UIMC1: variants seen among roughly 807,000 people sequenced by gnomAD.
UIMC1 encodes the protein ubiquitin interaction motif containing 1.
A neutral mutation model predicts 84.9 loss-of-function variants in UIMC1; 42 were observed. The ratio of observed to expected loss-of-function variants is 0.49; its 90% CI spans 0.39 to 0.64. UIMC1 has a LOEUF of 0.64. Ranked by LOEUF, UIMC1 falls within the 30% of genes least tolerant of loss-of-function variation. The probability of loss-of-function intolerance (pLI) is 0.00; values close to 1 mark genes in which losing one functional copy is unlikely to be tolerated. For synonymous variants in UIMC1, 281 were observed against 293.0 expected, an observed-to-expected ratio of 0.96 and a Z score of 0.42; for missense variants, 825 against 847.6, an observed-to-expected ratio of 0.97 and a Z score of 0.33.
chr5:176,971,466 T>C (rs1769186418), intron 3 of UIMC1, among the ~76,000 whole-genome samples: 1 of 152,174 alleles, frequency 6.6e-6, no homozygotes, highest in Non-Finnish European at 1.5e-5. Flanking sequence ...CTAGACACTA[T>C]TAAGCAAAGA....
At chr5:176,991,712 C>A (rs186829633) in intron 1 of UIMC1, among the ~76,000 whole-genome samples, 5 of 150,182 alleles carry the variant, frequency 3.3e-5, no homozygotes, top group African/African-American at 1.2e-4. Flanking sequence ...GCGGGCAGAT[C>A]ACGAGGTCAG....
Position 176,969,505 on chromosome 5 carries a change from G to A in UIMC1, c.463+96C>T. 5 of 1,344,390 alleles carry A rather than the reference G, an allele frequency of 3.7e-6. No homozygotes were observed. The South Asian group carries it at 5.2e-5, about 14-fold the overall frequency. The allele number at this position is 1,344,390 out of a possible 1,614,324, so 83.3% of individuals were successfully genotyped here. A position where few individuals can be genotyped will look rare whatever the true frequency, so the allele number is the denominator to read the frequency against. The stretch of plus-strand genomic sequence containing the variant: ...TTTAACTTCTTTATTATCACCAAAA[G>A]GATCTGGGGTATTTCCGTGTATCTA... On this transcript the variant is annotated intron_variant, in intron 5 of 14. Coordinates refer to ENST00000511320, the MANE Select transcript of UIMC1 (RefSeq NM_001199298.2).
At chr5:177,013,389 CACACACACACACAA>C (rs1775601187) in intron 1 of UIMC1, among the ~76,000 whole-genome samples, 1 of 151,728 alleles carries the variant, frequency 6.6e-6, no homozygotes, top group South Asian at 2.1e-4. Context: ...CACACACACA[CACACACACACACAA>C]AGATACTTTC....
intron 14 of UIMC1, 90 bp downstream of exon 14, chr5:176,905,921 C>CT (rs1373043672): frequency 1.5e-6 from 2 of 1,370,722 alleles, no homozygotes; most frequent in South Asian, 2.3e-5. Context: ...CTGCAACAGT[C>CT]TGAGTATCAC....
At chr5:176,926,051 GTAA>G (rs1236545801) in intron 10 of UIMC1, among the ~76,000 whole-genome samples, 2 of 152,106 alleles carry the variant, frequency 1.3e-5, no homozygotes, top group Non-Finnish European at 2.9e-5. Flanking sequence ...TGGAATCTAA[GTAA>G]TAAGATTCTT....
chr5:177,021,097 G>A (rs1023437882), intron 1 of UIMC1, among the ~76,000 whole-genome samples: 1 of 152,104 alleles, frequency 6.6e-6, no homozygotes, highest in African/African-American at 2.4e-5. Flanking sequence ...AGCTAACATA[G>A]TGAAACCCCG....
chr5:176,914,044 T>TAC (rs1333561839), intron 10 of UIMC1, among the ~76,000 whole-genome samples: 2 of 147,346 alleles, frequency 1.4e-5, no homozygotes, highest in African/African-American at 2.6e-5. Context: ...CCATACACCA[T>TAC]ACCATACCAT....
At chr5:176,923,862 T>G (rs549411558) in intron 10 of UIMC1, among the ~76,000 whole-genome samples, 11 of 92,582 alleles carry the variant, frequency 1.2e-4, no homozygotes, top group Admixed American at 3.3e-4. Flanking sequence ...AGACTCTGTC[T>G]CAAAAAAAAA....
At chr5:176,936,039 C>T (rs1763680532) in intron 10 of UIMC1, among the ~76,000 whole-genome samples, 1 of 152,154 alleles carries the variant, frequency 6.6e-6, no homozygotes, top group Admixed American at 6.5e-5. Context: ...TTATTCTTAC[C>T]CCTTTGACTC....
chr5:176,934,668 ATAGT>A (rs1171197601), intron 10 of UIMC1, among the ~76,000 whole-genome samples: 1 of 152,240 alleles, frequency 6.6e-6, no homozygotes, highest in Non-Finnish European at 1.5e-5. Flanking sequence ...AGAATTTCTC[ATAGT>A]TAGTAAAAGG....
chr5:177,008,479 G>C (rs190752023), upstream of UIMC1, among the ~76,000 whole-genome samples: 593 of 152,296 alleles, frequency 3.9e-3, 3 homozygotes, highest in Non-Finnish European at 6.5e-3. Flanking sequence ...CAATGGGCCT[G>C]TCCTAAAGCA....
chr5:176,912,279 G>A (rs1014628308), intron 10 of UIMC1, among the ~76,000 whole-genome samples: 4 of 152,268 alleles, frequency 2.6e-5, no homozygotes, highest in Non-Finnish European at 4.4e-5. Context: ...CTGTTAGCAG[G>A]AAAGCAGTCA....
rs748751098 is a variant in UIMC1 at position 176,968,672 on chromosome 5, C to T, written c.1083G>A (p.Arg361=). 25 of 1,614,088 alleles carry T rather than the reference C, an allele frequency of 1.5e-5. No individual in the cohort carries two copies. In the South Asian group the frequency reaches 2.3e-4, roughly 15 times the overall value. Residue 361 remains arginine (R), a synonymous_variant, in exon 6 of 15, where the codon AGG becomes AGA. Coordinates refer to ENST00000511320, the MANE Select transcript of UIMC1 (RefSeq NM_001199298.2). ...EDMGDEDKEE[R]QESRASDWHS... is the part of the protein sequence containing the mutation. ...GCCAGTCAGATGCCCTAGACTCCTGCCTCTCCTCTTTGTCTTCATCTCCCA... is the reference window on the plus strand; with the variant it reads ...GCCAGTCAGATGCCCTAGACTCCTGTCTCTCCTCTTTGTCTTCATCTCCCA...
At chr5:176,970,550 A>G in intron 4 of UIMC1, 192 bp downstream of exon 4, 4 of 802,716 alleles carry the variant, frequency 5.0e-6, no homozygotes, top group Non-Finnish European at 2.0e-6. Flanking sequence ...TCTTTCATAT[A>G]GAATTAACAA....
At chr5:176,923,669 GC>G (rs1761986034) in intron 10 of UIMC1, among the ~76,000 whole-genome samples, 1 of 151,706 alleles carries the variant, frequency 6.6e-6, no homozygotes. Context: ...TTTGAGACCA[GC>G]CTGGCCAACT....
intron 10 of UIMC1, among the ~76,000 whole-genome samples, chr5:176,933,541 C>G (rs926113886): frequency 3.0e-5 from 4 of 134,822 alleles, no homozygotes; most frequent in Non-Finnish European, 6.5e-5. Flanking sequence ...TTTTTTTTTT[C>G]TTTTTTTGAG....
At chr5:177,016,445 A>C (rs994178761) in intron 1 of UIMC1, among the ~76,000 whole-genome samples, 4 of 152,132 alleles carry the variant, frequency 2.6e-5, no homozygotes, top group Non-Finnish European at 4.4e-5. Flanking sequence ...TAATTCCAGA[A>C]CTTTGGGAGG....
intron 1 of UIMC1, 137 bp downstream of exon 1, chr5:177,006,513 C>A (rs902627881): frequency 6.6e-6 from 1 of 152,322 alleles, no homozygotes; most frequent in African/African-American, 2.4e-5. Flanking sequence ...TCAGGAAGGG[C>A]CGCCCCGGCG....
At chr5:176,944,858 A>G (rs1189142808) in intron 9 of UIMC1, among the ~76,000 whole-genome samples, 1 of 152,234 alleles carries the variant, frequency 6.6e-6, no homozygotes, top group Non-Finnish European at 1.5e-5. Flanking sequence ...AAGATGAGAA[A>G]GGAACTAACA....
Sources: allele counts gnomAD v4.1 joint callset (sites outside exome capture counted in the v4.1 genomes callset), GRCh38; gene constraint gnomAD v4.1.1; transcripts MANE v1.5; gene names NCBI Gene and HGNC (gene_info 2026-07-23, HGNC 2026-07-21).